Variants in MAGI2 observed in about 807,000 individuals in gnomAD.
MAGI2 encodes membrane associated guanylate kinase, WW and PDZ domain containing 2.
A neutral mutation model predicts 133.3 loss-of-function variants in MAGI2; 35 were observed. The ratio of observed to expected loss-of-function variants is 0.26; its 90% CI spans 0.20 to 0.35. MAGI2 has a LOEUF of 0.35. Ranked by LOEUF, MAGI2 falls within the 10% of genes least tolerant of loss-of-function variation. MAGI2 has a pLI of 1.00. For synonymous variants in MAGI2, 729 were observed against 710.6 expected (o/e 1.03, Z -0.41); for missense variants, 1,636 against 1,863.4 (o/e 0.88, Z 2.25).
chr7:78,378,774 T>C (rs1446069640), intron 6 of MAGI2, among the ~76,000 whole-genome samples: 2 of 152,010 alleles, frequency 1.3e-5, no homozygotes, highest in African/African-American at 4.8e-5. Context: ...GGACTAATGG[T>C]AATCATTCAA....
rs554081954 is a variant in MAGI2, at chr7:78,148,564, T to C, written c.2845+11461A>G. On this transcript the variant is annotated intron_variant, in intron 16 of 21. Coordinates refer to ENST00000354212, the MANE Select transcript of MAGI2 (RefSeq NM_012301.4). ...TAAATAGAGATAAGTAAAAAGGAAC[T>C]GATGTAGAATAACTAGGAGACAGGA... Among the ~76,000 whole-genome samples, 11 of 152,220 alleles carry C rather than the reference T, an allele frequency of 7.2e-5. No homozygotes were observed. The South Asian group carries it at 1.0e-3, about 14-fold the overall frequency.
chr7:78,020,438 TC>T (rs1162995604), intron 21 of MAGI2, among the ~76,000 whole-genome samples: 2 of 152,018 alleles, frequency 1.3e-5, no homozygotes, highest in African/African-American at 4.8e-5. Context: ...GCCCAGGAAG[TC>T]CTCTGTATTT....
rs537731741 is a variant in MAGI2 at position 78,552,446 on chromosome 7, G to C, written c.539-30801C>G. 6.7e-4 allele frequency among the ~76,000 whole-genome samples: 102 copies of C among 152,296 alleles called. 1 individual carries two copies. Among genetic ancestry groups the C allele is most frequent in the African/African-American group, 2.4e-3 (98 of 41,566 alleles). ...GATCTGCCCGCCTCGGCCTCCCAAAGTGCTGGGATTACAGGCGTAAGCCAC... is the reference window on the plus strand; with the variant it reads ...GATCTGCCCGCCTCGGCCTCCCAAACTGCTGGGATTACAGGCGTAAGCCAC... On this transcript the variant is annotated intron_variant, in intron 3 of 21. Coordinates refer to ENST00000354212, the MANE Select transcript of MAGI2 (RefSeq NM_012301.4).
intron 2 of MAGI2, among the ~76,000 whole-genome samples, chr7:78,670,972 T>C (rs1302784971): frequency 1.3e-5 from 2 of 152,022 alleles, no homozygotes; most frequent in Non-Finnish European, 2.9e-5. Flanking sequence ...AACTCGAAAA[T>C]ACTTTAAGAC....
chr7:79,216,150 G>A (rs1281890203), intron 1 of MAGI2, among the ~76,000 whole-genome samples: 1 of 151,954 alleles, frequency 6.6e-6, no homozygotes, highest in Non-Finnish European at 1.5e-5. Flanking sequence ...GAGCAGAAGA[G>A]CAGCAGAGAA....
At chr7:78,419,914 G>T (rs1225933782) in intron 6 of MAGI2, among the ~76,000 whole-genome samples, 1 of 152,138 alleles carries the variant, frequency 6.6e-6, no homozygotes, top group Non-Finnish European at 1.5e-5. Flanking sequence ...CTTGTTGGGG[G>T]TTGAGGTCCT....
Position 78,097,247 on chromosome 7 carries a change from C to T in MAGI2, c.3568-18162G>A, listed in dbSNP as rs376651238. 6.6e-5 allele frequency among the ~76,000 whole-genome samples: 10 copies of T among 152,130 alleles called. No individual in the cohort carries two copies. In the East Asian group the frequency reaches 7.7e-4, roughly 12 times the overall value. Reference sequence around the variant, plus strand: ...AAATTAGTTCATCCATTGTGGAAAGCGGTATGGCGATTCCTCAAAGAACTA... The same window carrying T: ...AAATTAGTTCATCCATTGTGGAAAGTGGTATGGCGATTCCTCAAAGAACTA... On this transcript the variant is annotated intron_variant, in intron 20 of 21. Transcript: ENST00000354212.
Position 78,586,502 on chromosome 7 carries a change from G to A in MAGI2, c.538+40618C>T, listed in dbSNP as rs566556553. Among the ~76,000 whole-genome samples, 11 of 152,204 alleles carry A rather than the reference G, an allele frequency of 7.2e-5. No individual in the cohort carries two copies. In the South Asian group the frequency reaches 1.9e-3, roughly 26 times the overall value. On this transcript the variant is annotated intron_variant, in intron 3 of 21. Coordinates refer to ENST00000354212, the MANE Select transcript of MAGI2 (RefSeq NM_012301.4). ...GGGTAAATTCAAGTCTGGGCAATAAGGCAGACTGAACTAACACAATCTGTT... is the reference window on the plus strand; with the variant it reads ...GGGTAAATTCAAGTCTGGGCAATAAAGCAGACTGAACTAACACAATCTGTT...
chr7:79,312,575 A>C (rs1838372172), intron 1 of MAGI2, among the ~76,000 whole-genome samples: 3 of 152,160 alleles, frequency 2.0e-5, no homozygotes, highest in African/African-American at 7.2e-5. Context: ...TTGAATTCAT[A>C]ACTAATAACA....
chr7:79,365,703 C>CA (rs1346386516), intron 1 of MAGI2, among the ~76,000 whole-genome samples: 1 of 150,912 alleles, frequency 6.6e-6, no homozygotes, highest in East Asian at 2.0e-4. Flanking sequence ...ACTAAAAATA[C>CA]AAAAAAATTA....
chr7:78,471,053 T>A (rs979300532), intron 6 of MAGI2, among the ~76,000 whole-genome samples: 1 of 152,162 alleles, frequency 6.6e-6, no homozygotes. Flanking sequence ...GTTTTATGTA[T>A]GTTTCTCATG....
At position 79,393,156 on chromosome 7, in the gene MAGI2, A is replaced by C. The variant is rs190759573; in HGVS notation, c.301+59864T>G. Among the ~76,000 whole-genome samples the C allele has an allele frequency of 9.8e-4, 150 of 152,312 alleles. 1 individual carries two copies. Among genetic ancestry groups the C allele is most frequent in the African/African-American group, 3.5e-3 (146 of 41,580 alleles). On this transcript the variant is annotated intron_variant, in intron 1 of 21. Coordinates refer to ENST00000354212, the MANE Select transcript of MAGI2 (RefSeq NM_012301.4). ...TGTGTTGGTAGTTGAAATCTGTTTC[A>C]TTAAATGGCTGCAAAGGTGTATTTT...
chr7:79,323,639 G>C (rs1839368374), intron 1 of MAGI2, among the ~76,000 whole-genome samples: 2 of 152,144 alleles, frequency 1.3e-5, no homozygotes, highest in African/African-American at 4.8e-5. Flanking sequence ...GCCCCTGAAG[G>C]ATATAAATGG....
Position 79,241,042 on chromosome 7 carries a change from A to T in MAGI2, c.301+211978T>A, listed in dbSNP as rs556642024. Among the ~76,000 whole-genome samples, 13 of 152,182 alleles carry T rather than the reference A, an allele frequency of 8.5e-5. 1 individual carries two copies. In the South Asian group the frequency reaches 2.7e-3, roughly 32 times the overall value. On this transcript the variant is annotated intron_variant, in intron 1 of 21. Transcript: ENST00000354212. ...TATTTTGGAAAAAATATAAAGAACC[A>T]TGTCAGTATCAGTTTTCATAACTTA...
intron 6 of MAGI2, among the ~76,000 whole-genome samples, chr7:78,471,711 G>A (rs1204030428): frequency 6.6e-6 from 1 of 152,020 alleles, no homozygotes; most frequent in African/African-American, 2.4e-5. Flanking sequence ...GAATCAATGA[G>A]GTCAGGAGTT....
intron 1 of MAGI2, among the ~76,000 whole-genome samples, chr7:79,306,439 A>G (rs1352277070): frequency 1.3e-5 from 2 of 151,598 alleles, no homozygotes; most frequent in African/African-American, 4.8e-5. Flanking sequence ...TGGGATTACC[A>G]GTATGAACCA....
At chr7:78,685,338 C>T (rs1585079757) in intron 2 of MAGI2, among the ~76,000 whole-genome samples, 1 of 152,066 alleles carries the variant, frequency 6.6e-6, no homozygotes, top group Non-Finnish European at 1.5e-5. Context: ...TCTCAAGTGT[C>T]CCTTAAGTTT....
intron 19 of MAGI2, 49 bp from the exon 20 acceptor site, chr7:78,125,886 G>A (rs376615363): frequency 1.3e-6 from 2 of 1,575,712 alleles, no homozygotes; most frequent in African/African-American, 1.4e-5. Context: ...AGTTATCAGA[G>A]AAGCTTCTGT....
chr7:78,889,078 G>T (rs1037860358), intron 2 of MAGI2, among the ~76,000 whole-genome samples: 1 of 152,176 alleles, frequency 6.6e-6, no homozygotes, highest in African/African-American at 2.4e-5. Context: ...ACTACATGAC[G>T]AATGCACTAG....
Sources: allele counts gnomAD v4.1 joint callset (sites outside exome capture counted in the v4.1 genomes callset), GRCh38; gene constraint gnomAD v4.1.1; transcripts MANE v1.5; gene names NCBI Gene and HGNC (gene_info 2026-07-23, HGNC 2026-07-21).